Variants in LRFN5 observed in about 807,000 individuals in gnomAD.
LRFN5 encodes the protein leucine-rich repeat and fibronectin type-III domain-containing protein 5.
LRFN5 carries 24 observed loss-of-function variants against 45.6 expected under a neutral mutation model. The ratio of observed to expected loss-of-function variants is 0.53; its 90% CI spans 0.38 to 0.74. LRFN5 has a LOEUF of 0.74. Ranked by LOEUF, LRFN5 falls within the 30% of genes least tolerant of loss-of-function variation. LRFN5 has a pLI of 0.00. For missense variants in LRFN5, 776 were observed against 861.5 expected (o/e 0.90, Z 1.24); for synonymous variants, 340 against 313.8 (o/e 1.08, Z -0.88).
At chr14:41,793,120 C>T (rs1260169822) in intron 2 of LRFN5, among the ~76,000 whole-genome samples, 2 of 150,612 alleles carry the variant, frequency 1.3e-5, no homozygotes, top group Non-Finnish European at 3.0e-5. Context: ...TCACATTGTG[C>T]ACATGTACCC....
At chr14:41,762,730 AT>A (rs762015687) in intron 1 of LRFN5, among the ~76,000 whole-genome samples, 7 of 152,060 alleles carry the variant, frequency 4.6e-5, no homozygotes, top group African/African-American at 9.7e-5. Flanking sequence ...GATAATGGCT[AT>A]TTTATCTCAA....
At chr14:41,611,286 A>T (rs560462723) in intron 1 of LRFN5, among the ~76,000 whole-genome samples, 1 of 152,326 alleles carries the variant, frequency 6.6e-6, no homozygotes, top group African/African-American at 2.4e-5. Context: ...ACATGCACAG[A>T]AGTTCCTAAG....
intron 2 of LRFN5, among the ~76,000 whole-genome samples, chr14:41,857,946 C>A (rs1234987632): frequency 6.6e-6 from 1 of 151,854 alleles, no homozygotes; most frequent in Non-Finnish European, 1.5e-5. Context: ...ATTAAGCAGG[C>A]CAGGGTGAAT....
intron 1 of LRFN5, among the ~76,000 whole-genome samples, chr14:41,631,498 G>A (rs1257491633): frequency 1.3e-5 from 2 of 151,916 alleles, no homozygotes; most frequent in African/African-American, 4.8e-5. Flanking sequence ...GCTAGGGGAG[G>A]TAGATAATAA....
At chr14:41,885,325 TAA>T (rs59238163) in intron 2 of LRFN5, among the ~76,000 whole-genome samples, 72 of 134,206 alleles carry the variant, frequency 5.4e-4, no homozygotes, top group Admixed American at 6.8e-4. Context: ...AAACTTTGTC[TAA>T]AAAAAAAAAA....
chr14:41,793,448 T>C (rs55698404), intron 2 of LRFN5, among the ~76,000 whole-genome samples: 1,971 of 152,210 alleles, frequency 0.013, 31 homozygotes, highest in African/African-American at 0.045. Context: ...ACTTTTGGAA[T>C]ATAATTTTAC....
At chr14:41,808,143 A>G (rs927818375) in intron 2 of LRFN5, among the ~76,000 whole-genome samples, 6 of 148,590 alleles carry the variant, frequency 4.0e-5, no homozygotes, top group Admixed American at 1.3e-4. Flanking sequence ...ATTATATGTT[A>G]TATGTTAAGA....
At chr14:41,659,722 T>G (rs1880548598) in intron 1 of LRFN5, among the ~76,000 whole-genome samples, 1 of 152,292 alleles carries the variant, frequency 6.6e-6, no homozygotes, top group East Asian at 1.9e-4. Context: ...TGTTGTTTCC[T>G]GACTTTTTAA....
chr14:41,645,817 T>A (rs1237093597), intron 1 of LRFN5, among the ~76,000 whole-genome samples: 1 of 152,304 alleles, frequency 6.6e-6, no homozygotes, highest in African/African-American at 2.4e-5. Flanking sequence ...TACTCTTCTG[T>A]GTAATCTGCT....
chr14:41,674,641 C>A (rs868158217), intron 1 of LRFN5, among the ~76,000 whole-genome samples: 63 of 147,482 alleles, frequency 4.3e-4, no homozygotes, highest in Admixed American at 6.7e-4. Flanking sequence ...GGCGGTTGGC[C>A]AGGTGGGGGG....
At chr14:41,870,962 C>T (rs1410365761) in intron 2 of LRFN5, among the ~76,000 whole-genome samples, 1 of 151,624 alleles carries the variant, frequency 6.6e-6, no homozygotes, top group Non-Finnish European at 1.5e-5. Flanking sequence ...TATTATAATT[C>T]ATCTAAATAC....
intron 1 of LRFN5, among the ~76,000 whole-genome samples, chr14:41,622,801 T>A (rs115419063): frequency 0.019 from 2,912 of 152,268 alleles, 87 homozygotes; most frequent in African/African-American, 0.066. Context: ...TTTGTTATCA[T>A]GATCTATTTT....
Position 41,656,473 on chromosome 14 carries a change from C to A in LRFN5, c.-197+47911C>A, listed in dbSNP as rs117232324. On this transcript the variant is annotated intron_variant, in intron 1 of 5. Coordinates refer to ENST00000298119, the MANE Select transcript of LRFN5 (RefSeq NM_152447.5). ...TTCACAGTTTGAGATTTATTGAGAC[C>A]TGATCAGCTTTATTGAGCCACTTTT... 2.0e-5 allele frequency among the ~76,000 whole-genome samples: 3 copies of A among 151,928 alleles called. No individual in the cohort carries two copies. In the East Asian group the frequency reaches 5.8e-4, roughly 29 times the overall value.
At chr14:41,791,942 G>A (rs1010943990) in intron 2 of LRFN5, among the ~76,000 whole-genome samples, 5 of 152,042 alleles carry the variant, frequency 3.3e-5, no homozygotes, top group African/African-American at 9.7e-5. Flanking sequence ...TATCCATTAT[G>A]GTTGAATAAC....
chr14:41,808,442 G>GGGAC, intron 2 of LRFN5, among the ~76,000 whole-genome samples: 1 of 130,118 alleles, frequency 7.7e-6, no homozygotes, highest in Non-Finnish European at 1.6e-5. Flanking sequence ...AATCGAGGGA[G>GGGAC]GGAGGGAGGA....
chr14:41,655,366 G>T (rs978383287), intron 1 of LRFN5, among the ~76,000 whole-genome samples: 1 of 151,936 alleles, frequency 6.6e-6, no homozygotes, highest in Non-Finnish European at 1.5e-5. Context: ...AGACTAAATC[G>T]TAAGTATTCT....
intron 1 of LRFN5, among the ~76,000 whole-genome samples, chr14:41,714,900 A>AT (rs72436858): frequency 0.095 from 14,394 of 151,956 alleles, 1,020 homozygotes; most frequent in African/African-American, 0.2. Context: ...GTAAGACCCT[A>AT]TTTTTTTAAA....
At chr14:41,667,827 A>T (rs543606689) in intron 1 of LRFN5, among the ~76,000 whole-genome samples, 56 of 152,080 alleles carry the variant, frequency 3.7e-4, no homozygotes, top group Non-Finnish European at 6.9e-4. Flanking sequence ...ACTACTGAGC[A>T]TGGCTTCTGA....
intron 2 of LRFN5, among the ~76,000 whole-genome samples, chr14:41,776,926 C>G (rs1417680270): frequency 6.6e-6 from 1 of 151,850 alleles, no homozygotes; most frequent in African/African-American, 2.4e-5. Flanking sequence ...ATACTTATAA[C>G]CAATTGTCTT....
Sources: gnomAD v4.1 joint callset for allele counts (sites outside exome capture counted in the v4.1 genomes callset) on GRCh38, gnomAD v4.1.1 for gene constraint, MANE v1.5 for transcripts, NCBI Gene and HGNC (gene_info 2026-07-23, HGNC 2026-07-21) for gene names.